Variants in CNIH3 observed in about 807,000 individuals in gnomAD.
CNIH3 encodes the protein protein cornichon homolog 3.
In CNIH3, 14 loss-of-function variants were observed where a neutral mutation model predicts 24.1. That is an observed-to-expected ratio of 0.58 (90% CI 0.38 to 0.91). CNIH3 has a LOEUF of 0.91. CNIH3 is among the 40% of genes least tolerant of loss of function. The pLI, the probability that CNIH3 is intolerant of heterozygous loss-of-function variation, is 0.00. For missense variants in CNIH3, 178 were observed against 196.8 expected (o/e 0.90, Z 0.57); for synonymous variants, 68 against 73.8 (o/e 0.92, Z 0.40).
At chr1:224,732,454 CACA>C (rs1424950903) in intron 4 of CNIH3, among the ~76,000 whole-genome samples, 1 of 152,186 alleles carries the variant, frequency 6.6e-6, no homozygotes, top group African/African-American at 2.4e-5. Flanking sequence ...ATCCAGGATT[CACA>C]ACAACCAAGT....
intron 2 of CNIH3, among the ~76,000 whole-genome samples, chr1:224,536,284 C>CTTTTTTTT (rs373201561): frequency 1.4e-4 from 12 of 86,088 alleles, no homozygotes; most frequent in Admixed American, 2.8e-4. Context: ...TAATTGTTGT[C>CTTTTTTTT]TTTTTTTTTT....
intron 1 of CNIH3, among the ~76,000 whole-genome samples, chr1:224,491,278 A>G (rs1158433367): frequency 2.6e-5 from 4 of 152,190 alleles, no homozygotes; most frequent in African/African-American, 9.7e-5. Context: ...TTGCTAGGCA[A>G]TTCTTTACTA....
downstream of CNIH3, among the ~76,000 whole-genome samples, chr1:224,593,431 T>C (rs1237844704): frequency 2.0e-5 from 3 of 152,172 alleles, no homozygotes; most frequent in African/African-American, 7.2e-5. Context: ...ACTACACATC[T>C]GCGGGGCAAA....
chr1:224,698,498 C>A (rs1414380164), intron 3 of CNIH3, among the ~76,000 whole-genome samples: 1 of 152,202 alleles, frequency 6.6e-6, no homozygotes, highest in African/African-American at 2.4e-5. Context: ...ACCACTTAGG[C>A]AGGGTGTACT....
intron 1 of CNIH3, among the ~76,000 whole-genome samples, chr1:224,452,774 T>C (rs1572268731): frequency 1.9e-5 from 2 of 107,572 alleles, no homozygotes; most frequent in African/African-American, 3.7e-5. Context: ...AGAGCGAAAC[T>C]CTGTCTCAAA....
At chr1:224,529,567 G>A (rs1044090918) in intron 2 of CNIH3, 13 of 152,176 alleles carry the variant, frequency 8.5e-5, no homozygotes, top group Non-Finnish European at 1.6e-4. Flanking sequence ...ATGACCAGAA[G>A]GACCTATAGC....
chr1:224,660,757 A>G lies in CNIH3; in HGVS notation c.82-20201A>G, dbSNP rs116316958. ...TATCTTTCACTACTAAACACTGAAA[A>G]AAATGAAATTGTTTCTATAGAAGGC... is the stretch of plus-strand genomic sequence containing the variant. On this transcript the variant is annotated intron_variant, in intron 1 of 5. Transcript: ENST00000272133. Among the ~76,000 whole-genome samples the G allele has an allele frequency of 5.7e-3, 864 of 152,318 alleles. 7 individuals are homozygous for G. The highest frequency in any genetic ancestry group is 0.02 in the African/African-American group (811 of 41,560).
chr1:224,706,919 A>C (rs558530194), intron 3 of CNIH3, among the ~76,000 whole-genome samples: 24 of 150,108 alleles, frequency 1.6e-4, no homozygotes, highest in African/African-American at 4.7e-4. Context: ...TACTTTAAAA[A>C]TCCAACCTCT....
chr1:224,737,855 A>G (rs1013963898), intron 5 of CNIH3, among the ~76,000 whole-genome samples: 1 of 152,184 alleles, frequency 6.6e-6, no homozygotes, highest in African/African-American at 2.4e-5. Context: ...TGCCTTGTGG[A>G]CCAGGTGATA....
chr1:224,580,658 C>G (rs986258083), intron 4 of CNIH3, among the ~76,000 whole-genome samples: 3 of 151,990 alleles, frequency 2.0e-5, no homozygotes, highest in Admixed American at 2.0e-4. Context: ...GAAACCTTGT[C>G]TCTACTAAAA....
At chr1:224,535,698 A>G (rs925366559) in intron 2 of CNIH3, among the ~76,000 whole-genome samples, 1 of 152,170 alleles carries the variant, frequency 6.6e-6, no homozygotes, top group Admixed American at 6.5e-5. Context: ...CACTACAAAG[A>G]TGTGAACAGG....
intron 3 of CNIH3, among the ~76,000 whole-genome samples, chr1:224,692,634 T>A (rs1046843270): frequency 4.1e-4 from 62 of 152,214 alleles, no homozygotes; most frequent in Non-Finnish European, 2.1e-4. Flanking sequence ...TATTAACTCC[T>A]TTAATCTCAC....
In CNIH3 at chr1:224,579,990, T is replaced by C. The variant is rs184698238; in HGVS notation, n.517-3174T>C. The stretch of plus-strand genomic sequence containing the variant: ...AGTGAACATAAGCCTGGGGTGGATG[T>C]TGGTGGGGAGTGTCTCGAAATCAGT... On this transcript the variant is annotated intron_variant and non_coding_transcript_variant, in intron 4 of 5. Transcript: ENST00000471578. Among the ~76,000 whole-genome samples, 451 of 152,266 alleles carry C rather than the reference T, an allele frequency of 3.0e-3. 1 individual carries two copies. Among genetic ancestry groups the C allele is most frequent in the African/African-American group, 0.01 (428 of 41,542 alleles).
intron 2 of CNIH3, among the ~76,000 whole-genome samples, chr1:224,532,783 A>G (rs998139387): frequency 2.0e-5 from 3 of 152,124 alleles, no homozygotes; most frequent in African/African-American, 4.8e-5. Context: ...ACTAATGCTA[A>G]ATGCTGTAGT....
rs988990317 is a variant in CNIH3, at chr1:224,458,188, A to T, written n.203+23326A>T. Among the ~76,000 whole-genome samples, 2 of 152,150 alleles carry T rather than the reference A, an allele frequency of 1.3e-5. No homozygotes were observed. Among genetic ancestry groups the T allele is most frequent in the African/African-American group, 4.8e-5 (2 of 41,418 alleles). On this transcript the variant is annotated intron_variant and non_coding_transcript_variant, in intron 1 of 5. Transcript: ENST00000471578. The surrounding 1 kb of genome is among the most constrained non-coding windows in gnomAD (Gnocchi z 4.3). Reference sequence around the variant, plus strand: ...ATTCACTCTGATCTCATTCACTGACAGTGGTGGGAGAGCCCAGAGCTGAGT... The same window carrying T: ...ATTCACTCTGATCTCATTCACTGACTGTGGTGGGAGAGCCCAGAGCTGAGT...
chr1:224,578,192 C>T (rs939333299), intron 4 of CNIH3, among the ~76,000 whole-genome samples: 23 of 152,240 alleles, frequency 1.5e-4, no homozygotes, highest in African/African-American at 5.5e-4. Flanking sequence ...ATAAAAACAA[C>T]AATGACGACA....
intron 4 of CNIH3, among the ~76,000 whole-genome samples, chr1:224,572,865 G>C (rs181286578): frequency 6.6e-6 from 1 of 151,938 alleles, no homozygotes; most frequent in Admixed American, 6.6e-5. Context: ...TTGGTTTCTT[G>C]TTGTTGTTGT....
At chr1:224,710,433 T>G (rs1346938306) in intron 3 of CNIH3, among the ~76,000 whole-genome samples, 1 of 152,202 alleles carries the variant, frequency 6.6e-6, no homozygotes, top group South Asian at 2.1e-4. Context: ...CCTCCTCCAT[T>G]CACCCTTCAC....
rs149106381 is a variant in CNIH3, at chr1:224,455,566, G to A, written n.203+20704G>A. 9.7e-3 allele frequency among the ~76,000 whole-genome samples: 1,477 copies of A among 152,298 alleles called. 9 individuals are homozygous for A. Among genetic ancestry groups the A allele is most frequent in the Non-Finnish European group, 0.015 (1,041 of 68,018 alleles). On this transcript the variant is annotated intron_variant and non_coding_transcript_variant, in intron 1 of 5. Transcript: ENST00000471578. ...AGTGAGTTCAGTGCCCAGAGGGGAGGCCCATTATTAACCCTTCCTTGAGGT... is the reference window on the plus strand; with the variant it reads ...AGTGAGTTCAGTGCCCAGAGGGGAGACCCATTATTAACCCTTCCTTGAGGT...
Sources: allele counts gnomAD v4.1 joint callset (sites outside exome capture counted in the v4.1 genomes callset), GRCh38; gene constraint gnomAD v4.1.1; non-coding constraint Gnocchi (gnomAD v3.1); transcripts MANE v1.5; gene names NCBI Gene and HGNC (gene_info 2026-07-23, HGNC 2026-07-21).